Variants in KLHL2 observed in about 807,000 individuals in gnomAD.
The protein encoded by KLHL2 is kelch-like protein 2.
Under a neutral mutation model 75.8 loss-of-function variants are expected in KLHL2, and 15 were observed. That is an observed-to-expected ratio of 0.20 (90% confidence interval 0.13 to 0.30). The LOEUF is 0.30. KLHL2 is among the 10% of genes least tolerant of loss of function. KLHL2 has a pLI of 1.00. For missense variants in KLHL2, 381 were observed against 741.0 expected (o/e 0.51, Z 5.64); for synonymous variants, 214 against 251.9 (o/e 0.85, Z 1.42).
At chr4:165,208,419 G>A (rs1736984050) in intron 1 of KLHL2, 1 of 152,188 alleles carries the variant, frequency 6.6e-6, no homozygotes, top group Non-Finnish European at 1.5e-5. Flanking sequence ...CGGCCGTTCA[G>A]GGCATGTGAC....
chr4:165,222,686 T>TAA (rs998140348), intron 2 of KLHL2, among the ~76,000 whole-genome samples: 2 of 151,742 alleles, frequency 1.3e-5, no homozygotes, highest in South Asian at 2.1e-4. Context: ...AGTAATTCTT[T>TAA]AAAAAAAAAT....
rs1303960943 is a variant in KLHL2 at position 165,207,925 on chromosome 4, T to A, written c.26+23T>A. ...CGCGTGAGTGAGCGGGCGGGCGGGC[T>A]GCGCCGCTGCGGATAAGCGCGCCGC... is the stretch of plus-strand genomic sequence containing the variant. On this transcript the variant is annotated intron_variant, in intron 1 of 14. Transcript: ENST00000226725. This position sits in a 1 kb window ranked among gnomAD's most constrained non-coding sequence, Gnocchi z 4.2. The A allele has an allele frequency of 2.1e-6, 3 of 1,399,312 alleles. No individual in the cohort carries two copies. The highest frequency in any genetic ancestry group is 1.5e-5 in the African/African-American group (1 of 65,982). 86.7% of individuals were successfully genotyped at this position (1,399,312 alleles called of 1,614,324 possible). A position where few individuals can be genotyped will look rare whatever the true frequency, so the allele number is the denominator to read the frequency against.
At chr4:165,234,416 T>G (rs1739160644) in intron 3 of KLHL2, among the ~76,000 whole-genome samples, 2 of 152,112 alleles carry the variant, frequency 1.3e-5, no homozygotes, top group Admixed American at 1.3e-4. Flanking sequence ...CTTTTATTTT[T>G]TTTCAGATGT....
At chr4:165,278,889 T>C in intron 5 of KLHL2, 5 of 1,429,722 alleles carry the variant, frequency 3.5e-6, no homozygotes, top group Non-Finnish European at 4.9e-6. Context: ...CACCCAGATA[T>C]TGGCACACCT....
At chr4:165,259,151 G>A (rs1325735873) in intron 4 of KLHL2, among the ~76,000 whole-genome samples, 1 of 151,450 alleles carries the variant, frequency 6.6e-6, no homozygotes, top group Non-Finnish European at 1.5e-5. Flanking sequence ...CACCCAGGCT[G>A]GAGTACAGTG....
chr4:165,274,127 T>C (rs1742893121), intron 5 of KLHL2, among the ~76,000 whole-genome samples: 1 of 152,150 alleles, frequency 6.6e-6, no homozygotes, highest in Non-Finnish European at 1.5e-5. Flanking sequence ...GTGACAGGCT[T>C]TTCTAGGTAG....
At chr4:165,283,757 C>T (rs1432290573) in intron 5 of KLHL2, among the ~76,000 whole-genome samples, 1 of 152,250 alleles carries the variant, frequency 6.6e-6, no homozygotes, top group African/African-American at 2.4e-5. Flanking sequence ...ACTCTGACCC[C>T]ACATTTCTCT....
chr4:165,284,172 T>C (rs1743909570), intron 5 of KLHL2, among the ~76,000 whole-genome samples: 1 of 152,238 alleles, frequency 6.6e-6, no homozygotes, highest in Non-Finnish European at 1.5e-5. Context: ...GTCTTGGTGA[T>C]TAACAGTCAG....
chr4:165,226,169 T>C (rs544432209), intron 2 of KLHL2, among the ~76,000 whole-genome samples: 175 of 152,298 alleles, frequency 1.1e-3, no homozygotes, highest in African/African-American at 4.1e-3. Flanking sequence ...TGTGTTCAAA[T>C]CCCCAGGTCA....
At chr4:165,270,172 G>A (rs942318289) in intron 5 of KLHL2, among the ~76,000 whole-genome samples, 1 of 152,092 alleles carries the variant, frequency 6.6e-6, no homozygotes, top group African/African-American at 2.4e-5. Flanking sequence ...AGCTCCATCA[G>A]GTCATTTAAG....
At chr4:165,208,266 G>C (rs1560968266) in intron 1 of KLHL2, among the ~76,000 whole-genome samples, 1 of 152,140 alleles carries the variant, frequency 6.6e-6, no homozygotes, top group South Asian at 2.1e-4. Context: ...ATCAGGCTAG[G>C]ATGCACTGAG....
intron 5 of KLHL2, chr4:165,279,761 G>A: frequency 1.2e-6 from 1 of 805,082 alleles, no homozygotes; most frequent in South Asian, 1.4e-5. Context: ...CGCTGAACTA[G>A]CCTCACTTCT....
At chr4:165,248,783 A>G (rs1473046960) in intron 4 of KLHL2, among the ~76,000 whole-genome samples, 1 of 152,200 alleles carries the variant, frequency 6.6e-6, no homozygotes, top group African/African-American at 2.4e-5. Context: ...TTGTGAGGTA[A>G]AAAGTCTTAC....
intron 8 of KLHL2, among the ~76,000 whole-genome samples, chr4:165,302,880 A>T (rs1240858581): frequency 6.6e-6 from 1 of 152,200 alleles, no homozygotes; most frequent in Non-Finnish European, 1.5e-5. Flanking sequence ...GCCCTCTTCA[A>T]ATATGTTACT....
At chr4:165,214,039 GCTAAGTGA>G (rs1737373890) in intron 1 of KLHL2, among the ~76,000 whole-genome samples, 1 of 152,112 alleles carries the variant, frequency 6.6e-6, no homozygotes, top group Non-Finnish European at 1.5e-5. Flanking sequence ...GCCCAGAGAG[GCTAAGTGA>G]CTAATCCAGG....
At chr4:165,320,741 CT>C (rs1454639702) in intron 14 of KLHL2, among the ~76,000 whole-genome samples, 4 of 152,140 alleles carry the variant, frequency 2.6e-5, no homozygotes, top group African/African-American at 9.7e-5. Flanking sequence ...TGGAAAAAAA[CT>C]GTGTTCAGAT....
At chr4:165,235,436 C>T (rs1302895548) in intron 3 of KLHL2, among the ~76,000 whole-genome samples, 3 of 152,206 alleles carry the variant, frequency 2.0e-5, no homozygotes, top group African/African-American at 7.2e-5. Context: ...CCTGACCTCA[C>T]ATGATCCGCC....
At chr4:165,318,459 T>C (rs1276193375) in intron 14 of KLHL2, among the ~76,000 whole-genome samples, 1 of 152,200 alleles carries the variant, frequency 6.6e-6, no homozygotes, top group African/African-American at 2.4e-5. Context: ...ATAAATATTA[T>C]GGTGAGTCTT....
intron 8 of KLHL2, among the ~76,000 whole-genome samples, chr4:165,300,212 C>T (rs1432822861): frequency 6.6e-6 from 1 of 151,480 alleles, no homozygotes; most frequent in Non-Finnish European, 1.5e-5. Flanking sequence ...CACCTGAACC[C>T]AGGAGGCGGA....
Sources: allele counts gnomAD v4.1 joint callset (sites outside exome capture counted in the v4.1 genomes callset), GRCh38; gene constraint gnomAD v4.1.1; non-coding constraint Gnocchi (gnomAD v3.1); transcripts MANE v1.5; gene names NCBI Gene and HGNC (gene_info 2026-07-23, HGNC 2026-07-21).